The following EXPH5 variants were observed in gnomAD, a reference collection of about 807,000 sequenced individuals.
EXPH5 encodes the protein exophilin 5, also known as exophilin-5.
A neutral mutation model predicts 41.1 loss-of-function variants in EXPH5; 42 were observed. The observed-to-expected ratio is 1.02, with a 90% confidence interval of 0.80 to 1.32. The LOEUF is 1.32. EXPH5 is among the 40% of genes most tolerant of loss of function. The pLI is 0.00. For synonymous variants in EXPH5, 798 were observed against 833.5 expected, an observed-to-expected ratio of 0.96 and a Z score of 0.73; for missense variants, 2,298 against 2,314.5, an observed-to-expected ratio of 0.99 and a Z score of 0.15.
chr11:108,607,200 A>G, the EXPH5 span, among the ~76,000 whole-genome samples: 2 of 152,260 alleles, frequency 1.3e-5, no homozygotes, highest in Non-Finnish European at 2.9e-5. Flanking sequence ...CATGCCTTGA[A>G]AAGCTGAAAT....
chr11:108,557,815 C>T (rs1013449664), intron 1 of EXPH5, among the ~76,000 whole-genome samples: 4 of 152,176 alleles, frequency 2.6e-5, no homozygotes, highest in Non-Finnish European at 4.4e-5. Flanking sequence ...GGTATGGACT[C>T]AGTTAGCTCT....
At chr11:108,566,086 T>C (rs2094033431) in intron 1 of EXPH5, among the ~76,000 whole-genome samples, 1 of 152,254 alleles carries the variant, frequency 6.6e-6, no homozygotes, top group Admixed American at 6.5e-5. Context: ...AAAGTAGCTA[T>C]GATACAACAC....
rs537203355 is a variant in EXPH5, at chr11:108,539,077, T to G, written c.390A>C (p.Ser130=). The change falls in exon 3 of 6, where the codon TCA becomes TCC. Residue 130 remains serine, a synonymous_variant. Coordinates refer to ENST00000265843, the MANE Select transcript of EXPH5 (RefSeq NM_015065.3). ...AAGTCTCCTTTCCAGATTTCCTGAA[T>G]GAGAACAGGGAAGCAAATGACGATC... ...SFRSSFASLF[S]FRKSGKETSK... is the part of the protein sequence containing the mutation. 9.6e-5 allele frequency: 154 copies of G among 1,608,746 alleles called. No individual in the cohort carries two copies. The South Asian group carries it at 1.6e-3, about 17-fold the overall frequency.
intron 1 of EXPH5, among the ~76,000 whole-genome samples, chr11:108,574,292 C>G (rs2094072853): frequency 6.6e-6 from 1 of 151,428 alleles, no homozygotes; most frequent in Non-Finnish European, 1.5e-5. Context: ...GGCGGGAGAT[C>G]ACTTGAGTCT....
chr11:108,573,070 A>G, intron 1 of EXPH5, among the ~76,000 whole-genome samples: 1 of 147,576 alleles, frequency 6.8e-6, no homozygotes, highest in South Asian at 2.2e-4. Flanking sequence ...TGAAAAAAAT[A>G]AGAGAGAGAG....
At chr11:108,564,549 A>ACGAG (rs2094026416) in intron 1 of EXPH5, among the ~76,000 whole-genome samples, 2 of 152,100 alleles carry the variant, frequency 1.3e-5, no homozygotes, top group Non-Finnish European at 2.9e-5. Flanking sequence ...GTTATTTCTA[A>ACGAG]TTTTTTAGAG....
At position 108,512,645 on chromosome 11, in the gene EXPH5, A is replaced by T. The variant is rs2093690604; in HGVS notation, c.2862T>A (p.Asp954Glu). The T allele has an allele frequency of 5.0e-6, 8 of 1,613,964 alleles. No individual in the cohort carries two copies. The highest frequency in any genetic ancestry group is 6.8e-6 in the Non-Finnish European group (8 of 1,180,014). ...AATGGCATTTGACATCAACCACTTCATCATGTGTAGGCACAGGACTATCAT... is the reference window on the plus strand; with the variant it reads ...AATGGCATTTGACATCAACCACTTCTTCATGTGTAGGCACAGGACTATCAT... ...ERNDSPVPTHDEVVDVKCHSH... is the reference protein window; with the variant it reads ...ERNDSPVPTHEEVVDVKCHSH... Residue 954 changes from aspartate to glutamate, a missense_variant, in exon 6 of 6, where the codon GAT (aspartate) becomes GAA (glutamate). Physicochemically the swap from Asp to Glu is conservative, Grantham distance 45. Transcript: ENST00000265843.
intron 1 of EXPH5, among the ~76,000 whole-genome samples, chr11:108,544,726 A>G (rs1418150153): frequency 1.3e-5 from 2 of 152,244 alleles, no homozygotes; most frequent in East Asian, 1.9e-4. Context: ...TAGACAACAT[A>G]GAATCCTGGG....
At chr11:108,580,188 T>C (rs2094093690) in intron 1 of EXPH5, among the ~76,000 whole-genome samples, 1 of 151,912 alleles carries the variant, frequency 6.6e-6, no homozygotes, top group South Asian at 2.1e-4. Context: ...ACACAATAAA[T>C]TGAAACACCT....
intron 3 of EXPH5, among the ~76,000 whole-genome samples, chr11:108,535,570 G>A (rs527243386): frequency 1.3e-5 from 2 of 152,258 alleles, no homozygotes; most frequent in Admixed American, 6.5e-5. Flanking sequence ...GGAGGCAGGT[G>A]GAGAGAAGGC....
At chr11:108,554,531 A>ATTT (rs1198602426) in intron 1 of EXPH5, among the ~76,000 whole-genome samples, 2 of 152,150 alleles carry the variant, frequency 1.3e-5, no homozygotes, top group Non-Finnish European at 2.9e-5. Context: ...GACCTGTGAA[A>ATTT]TGTGCAGGAT....
rs989946082 is a variant in EXPH5, at chr11:108,545,505, C to T, written c.120-3693G>A. Among the ~76,000 whole-genome samples, 6 of 152,264 alleles carry T rather than the reference C, an allele frequency of 3.9e-5. 1 individual carries two copies. Among genetic ancestry groups the T allele is most frequent in the African/African-American group, 1.4e-4 (6 of 41,542 alleles). On this transcript the variant is annotated intron_variant, in intron 1 of 5. Transcript: ENST00000265843. ...AATAGTGATAAACATGACTTATTCACTCAGCACACATTTGAACCCTGGGCA... is the reference window on the plus strand; with the variant it reads ...AATAGTGATAAACATGACTTATTCATTCAGCACACATTTGAACCCTGGGCA...
intron 1 of EXPH5, among the ~76,000 whole-genome samples, chr11:108,573,461 A>T (rs1009975152): frequency 6.6e-6 from 1 of 152,256 alleles, no homozygotes; most frequent in African/African-American, 2.4e-5. Flanking sequence ...TTGTATAGGT[A>T]TAACAACAAT....
intron 1 of EXPH5, among the ~76,000 whole-genome samples, chr11:108,561,430 G>C (rs1479559637): frequency 6.6e-6 from 1 of 152,070 alleles, no homozygotes; most frequent in African/African-American, 2.4e-5. Context: ...AATAGCACTC[G>C]ATCAAGCCAC....
At chr11:108,603,372 C>T in the EXPH5 span, among the ~76,000 whole-genome samples, 40 of 152,190 alleles carry the variant, frequency 2.6e-4, no homozygotes, top group Middle Eastern at 3.4e-3. Flanking sequence ...GTAAACTTCA[C>T]CTTAATACAA....
chr11:108,538,834 A>T (rs1000336482), intron 3 of EXPH5, among the ~76,000 whole-genome samples, 190 bp downstream of exon 3: 1 of 152,254 alleles, frequency 6.6e-6, no homozygotes, highest in African/African-American at 2.4e-5. Context: ...GTTGGATTTC[A>T]GGTGAGCCAC....
Position 108,511,492 on chromosome 11 carries a change from G to T in EXPH5, c.4015C>A (p.Pro1339Thr), listed in dbSNP as rs200608516. Residue 1339 changes from proline to threonine, a missense_variant, in exon 6 of 6, where the codon CCC becomes ACC. Pro to Thr is a conservative substitution (Grantham distance 38). Transcript: ENST00000265843. ...MTAFRLSNRG[P>T]LAPTLQEMAS... The stretch of plus-strand genomic sequence containing the variant: ...ATTTCCTGTAATGTAGGAGCTAGGG[G>T]CCCCCTATTTGATAATCGGAAGGCA... 265 of 1,589,048 alleles carry T rather than the reference G, an allele frequency of 1.7e-4. No homozygotes were observed. Among genetic ancestry groups the T allele is most frequent in the Non-Finnish European group, 2.0e-4 (236 of 1,171,008 alleles).
chr11:108,566,239 C>T (rs1196766915), intron 1 of EXPH5, among the ~76,000 whole-genome samples: 1 of 152,160 alleles, frequency 6.6e-6, no homozygotes, highest in East Asian at 1.9e-4. Context: ...ACTAGACTTG[C>T]TGGGGAATAA....
At position 108,511,458 on chromosome 11, in the gene EXPH5, A is replaced by C; in HGVS notation, c.4049T>G (p.Val1350Gly). ...TTCAGGAAGAGAAACAGCTGCCTCA[A>C]CAGAAGCCATTTCCTGTAATGTAGG... Reference protein sequence around the residue: ...LAPTLQEMASVEAAVSLPEEE... With the variant: ...LAPTLQEMASGEAAVSLPEEE... The change falls in exon 6 of 6, where the codon GTT becomes GGT. Residue 1350 changes from valine (V) to glycine (G), a missense_variant. Coordinates refer to ENST00000265843, the MANE Select transcript of EXPH5 (RefSeq NM_015065.3). 6.3e-7 allele frequency: 1 copy of C among 1,581,744 alleles called. No homozygotes were observed. The highest frequency in any genetic ancestry group is 8.6e-7 in the Non-Finnish European group (1 of 1,169,092).
Sources: gnomAD v4.1 joint callset for allele counts (sites outside exome capture counted in the v4.1 genomes callset) on GRCh38, gnomAD v4.1.1 for gene constraint, MANE v1.5 for transcripts, NCBI Gene and HGNC (gene_info 2026-07-23, HGNC 2026-07-21) for gene names.